The following MAPK10 variants were observed in gnomAD, a reference collection of about 807,000 sequenced individuals.
MAPK10 encodes the protein JNK3 alpha protein kinase.
MAPK10 carries 25 observed loss-of-function variants against 59.3 expected under a neutral mutation model. The ratio of observed to expected loss-of-function variants is 0.42; its 90% CI spans 0.31 to 0.59. MAPK10 has a LOEUF of 0.59. Ranked by LOEUF, MAPK10 falls within the 20% of genes least tolerant of loss-of-function variation. The probability of loss-of-function intolerance (pLI) is 0.15; values close to 1 mark genes in which losing one functional copy is unlikely to be tolerated. For missense variants in MAPK10, 351 were observed against 568.9 expected, an observed-to-expected ratio of 0.62 and a Z score of 3.90; for synonymous variants, 190 against 200.5, an observed-to-expected ratio of 0.95 and a Z score of 0.44.
intron 1 of MAPK10, among the ~76,000 whole-genome samples, chr4:86,573,469 C>T (rs971123073): frequency 6.6e-6 from 1 of 152,076 alleles, no homozygotes; most frequent in African/African-American, 2.4e-5. Context: ...ATCCTTACTC[C>T]CAATACTACA....
At chr4:86,312,944 G>A (rs2095699530) in intron 2 of MAPK10, among the ~76,000 whole-genome samples, 1 of 151,940 alleles carries the variant, frequency 6.6e-6, no homozygotes, top group South Asian at 2.1e-4. Context: ...AAGCTTATGA[G>A]CATAAATTCT....
intron 2 of MAPK10, among the ~76,000 whole-genome samples, chr4:86,285,406 G>A (rs907323967): frequency 6.6e-6 from 1 of 151,852 alleles, no homozygotes; most frequent in Non-Finnish European, 1.5e-5. Context: ...TAGTAGAGAC[G>A]GGGTTTCACC....
intron 4 of MAPK10, among the ~76,000 whole-genome samples, chr4:86,136,806 C>A (rs1205842722): frequency 6.6e-6 from 1 of 151,584 alleles, no homozygotes. Flanking sequence ...CGTGCAGAGA[C>A]ACACATAGGC....
At chr4:86,097,290 A>T (rs2054419108) in intron 9 of MAPK10, among the ~76,000 whole-genome samples, 2 of 152,008 alleles carry the variant, frequency 1.3e-5, no homozygotes, top group African/African-American at 4.8e-5. Flanking sequence ...TTACATTACT[A>T]GTGGATTTTA....
chr4:86,479,588 G>C (rs1020562106), intron 1 of MAPK10, among the ~76,000 whole-genome samples: 5 of 151,816 alleles, frequency 3.3e-5, no homozygotes, highest in African/African-American at 1.2e-4. Flanking sequence ...GATTTACACT[G>C]TTTCTCCAAG....
chr4:86,111,918 G>A (rs1476094056), intron 4 of MAPK10, among the ~76,000 whole-genome samples: 1 of 152,066 alleles, frequency 6.6e-6, no homozygotes, highest in African/African-American at 2.4e-5. Flanking sequence ...GGTCTATTCA[G>A]GGATTCAGCT....
At chr4:86,256,726 CTTTCTTTCTTTTT>C (rs2093733115) in intron 2 of MAPK10, among the ~76,000 whole-genome samples, 2 of 99,254 alleles carry the variant, frequency 2.0e-5, no homozygotes, top group African/African-American at 9.6e-5. Flanking sequence ...TTTTTCTTTT[CTTTCTTTCTTTTT>C]TTTTTTTTTT....
At chr4:86,324,283 T>G (rs2095970737) in intron 2 of MAPK10, among the ~76,000 whole-genome samples, 1 of 151,992 alleles carries the variant, frequency 6.6e-6, no homozygotes, top group African/African-American at 2.4e-5. Context: ...TGGTGGTGCC[T>G]GCCTGTAATC....
At chr4:86,145,586 G>C (rs188799026) in intron 4 of MAPK10, among the ~76,000 whole-genome samples, 154 of 152,160 alleles carry the variant, frequency 1.0e-3, no homozygotes, top group African/African-American at 3.5e-3. Flanking sequence ...TTGGTTTCTT[G>C]AGTCTCTCCA....
intron 4 of MAPK10, chr4:86,151,969 T>G (rs572075975): frequency 2.0e-5 from 3 of 152,338 alleles, no homozygotes; most frequent in Admixed American, 6.5e-5. Context: ...TAAAGTTCAT[T>G]TAATATTTGC....
intron 3 of MAPK10, among the ~76,000 whole-genome samples, chr4:86,183,038 G>A (rs115858937): frequency 0.038 from 5,852 of 152,006 alleles, 127 homozygotes; most frequent in African/African-American, 0.045. Context: ...TTAAAAAATG[G>A]CTGAAATTTT....
intron 1 of MAPK10, among the ~76,000 whole-genome samples, chr4:86,379,969 C>T (rs1740440649): frequency 6.6e-6 from 1 of 152,096 alleles, no homozygotes; most frequent in Non-Finnish European, 1.5e-5. Flanking sequence ...GGCGCAGTGG[C>T]TCATGCCTGT....
chr4:86,017,332 A>C lies in MAPK10; in HGVS notation c.1291T>G (p.Ser431Ala), dbSNP rs756673886. 1 of 1,614,154 alleles carries C rather than the reference A, an allele frequency of 6.2e-7. No individual in the cohort carries two copies. Among genetic ancestry groups the C allele is most frequent in the Non-Finnish European group, 8.5e-7 (1 of 1,179,994 alleles). The change falls in exon 14 of 14, where the codon TCG (serine) becomes GCG (alanine). Residue 431 changes from serine (S) to alanine (A), a missense_variant. This residue lies in a region of MAPK10 where 155 missense variants were observed against 204.2 expected (regional missense o/e 0.76). Coordinates refer to ENST00000641462, the MANE Select transcript of MAPK10 (RefSeq NM_138982.4). This position sits in a 1 kb window ranked among gnomAD's most constrained non-coding sequence, Gnocchi z 4.4. The stretch of plus-strand genomic sequence containing the variant: ...ATGGAGGAGATGTCATTGACAGACG[A>C]GGATGGAGGGAGACTCTCACTGCTG... ...VNSSESLPPSSSVNDISSMST... is the reference protein window; with the variant it reads ...VNSSESLPPSASVNDISSMST...
chr4:86,092,010 A>C (rs2053316014), intron 9 of MAPK10, among the ~76,000 whole-genome samples: 1 of 152,006 alleles, frequency 6.6e-6, no homozygotes, highest in South Asian at 2.1e-4. Context: ...TAACTGGTAT[A>C]TCTCACAGTT....
intron 5 of MAPK10, among the ~76,000 whole-genome samples, chr4:86,106,013 G>C (rs2056473971): frequency 6.6e-6 from 1 of 152,018 alleles, no homozygotes; most frequent in African/African-American, 2.4e-5. Context: ...TGCCAATAGA[G>C]CATAACTCCA....
Position 86,060,894 on chromosome 4 carries a change from G to C in MAPK10, c.1110+3372C>G, listed in dbSNP as rs118114025. On this transcript the variant is annotated intron_variant, in intron 11 of 13. Transcript: ENST00000641462. ...TTGTGGAATATTTCTGCAATTTCCTGGCCAGCTAGTCTTTTTCACCAGACG... is the reference window on the plus strand; with the variant it reads ...TTGTGGAATATTTCTGCAATTTCCTCGCCAGCTAGTCTTTTTCACCAGACG... 1.3e-4 allele frequency among the ~76,000 whole-genome samples: 20 copies of C among 152,158 alleles called. No individual in the cohort carries two copies. The East Asian group carries it at 3.9e-3, about 29-fold the overall frequency.
chr4:86,548,558 T>C (rs549176024), intron 1 of MAPK10, among the ~76,000 whole-genome samples: 1 of 152,280 alleles, frequency 6.6e-6, no homozygotes, highest in South Asian at 2.1e-4. Flanking sequence ...ATTGGGTTGG[T>C]TTCTAATGGT....
intron 1 of MAPK10, among the ~76,000 whole-genome samples, chr4:86,516,145 T>C (rs1756646732): frequency 1.4e-5 from 2 of 144,942 alleles, no homozygotes; most frequent in Admixed American, 7.1e-5. Context: ...ATGTGTCCTC[T>C]GCCCATTTTA....
At chr4:86,448,983 T>C (rs11097110) in intron 1 of MAPK10, among the ~76,000 whole-genome samples, 68,218 of 151,764 alleles carry the variant, frequency 0.45, 15,620 homozygotes, top group East Asian at 0.54. Context: ...GGTTCCTGCT[T>C]CTGAGAATCT....
Sources: gnomAD v4.1 joint callset for allele counts (sites outside exome capture counted in the v4.1 genomes callset) on GRCh38, gnomAD v4.1.1 for gene constraint, gnomAD v4.1.1 regional missense constraint, Gnocchi (gnomAD v3.1) non-coding constraint, MANE v1.5 for transcripts, NCBI Gene and HGNC (gene_info 2026-07-23, HGNC 2026-07-21) for gene names.